Variants in RGS7 observed in about 807,000 individuals in gnomAD.
RGS7 encodes the protein regulator of G-protein signaling 7.
In RGS7, 27 loss-of-function variants were observed where a neutral mutation model predicts 81.1. The observed-to-expected ratio is 0.33, with a 90% CI of 0.25 to 0.46. The LOEUF is 0.46. Ranked by LOEUF, RGS7 falls within the 20% of genes least tolerant of loss-of-function variation. RGS7 has a pLI of 1.00. For synonymous variants in RGS7, 208 were observed against 207.7 expected (o/e 1.00, Z -0.01); for missense variants, 396 against 607.4 (o/e 0.65, Z 3.66).
In RGS7 at chr1:240,894,366, T is replaced by C. The variant is rs905922204; in HGVS notation, c.386-24247A>G. On this transcript the variant is annotated intron_variant, in intron 6 of 18. Coordinates refer to ENST00000440928, the MANE Select transcript of RGS7 (RefSeq NM_001364886.1). ...TCAGTTCTAAAAACTACCTCAACTATGATTTCAGTAAATACTGCTTGTTTC... is the reference window on the plus strand; with the variant it reads ...TCAGTTCTAAAAACTACCTCAACTACGATTTCAGTAAATACTGCTTGTTTC... 3.3e-5 allele frequency among the ~76,000 whole-genome samples: 5 copies of C among 152,182 alleles called. No homozygotes were observed. In the South Asian group the frequency reaches 8.3e-4, roughly 25 times the overall value.
chr1:240,935,094 T>G (rs1307710280), intron 5 of RGS7, among the ~76,000 whole-genome samples: 2 of 151,696 alleles, frequency 1.3e-5, no homozygotes, highest in Non-Finnish European at 2.9e-5. Context: ...AGATGAGGTT[T>G]CACCATGTTG....
chr1:241,174,655 A>G (rs1274361528), intron 2 of RGS7, among the ~76,000 whole-genome samples: 2 of 152,270 alleles, frequency 1.3e-5, no homozygotes, highest in East Asian at 3.9e-4. Flanking sequence ...CAGCTAGTGG[A>G]TCCAAAGCTA....
intron 13 of RGS7, among the ~76,000 whole-genome samples, chr1:240,813,360 C>T (rs1406693747): frequency 2.0e-5 from 3 of 152,144 alleles, no homozygotes; most frequent in African/African-American, 7.2e-5. Context: ...GCTGAAGATC[C>T]TAACTCTGAC....
intron 2 of RGS7, among the ~76,000 whole-genome samples, chr1:241,175,846 G>A (rs1271249117): frequency 6.6e-6 from 1 of 152,194 alleles, no homozygotes. Context: ...CATCAAGACG[G>A]AATGTATGGG....
At chr1:240,875,278 C>A (rs576748082) in intron 6 of RGS7, among the ~76,000 whole-genome samples, 1 of 152,132 alleles carries the variant, frequency 6.6e-6, no homozygotes, top group East Asian at 1.9e-4. Context: ...AGTGACATCA[C>A]GCAGTATTTG....
chr1:240,963,853 A>G (rs1217080010), intron 4 of RGS7, among the ~76,000 whole-genome samples: 1 of 152,186 alleles, frequency 6.6e-6, no homozygotes, highest in Non-Finnish European at 1.5e-5. Flanking sequence ...AAAGTGAAAT[A>G]TAAGAATGAA....
chr1:241,242,200 T>C (rs941586253), intron 2 of RGS7, among the ~76,000 whole-genome samples: 3 of 151,918 alleles, frequency 2.0e-5, no homozygotes, highest in Non-Finnish European at 2.9e-5. Context: ...GAACACACAA[T>C]GTTCGGCTTT....
intron 2 of RGS7, among the ~76,000 whole-genome samples, chr1:241,332,838 T>A (rs574288370): frequency 1.3e-5 from 2 of 152,196 alleles, no homozygotes; most frequent in Admixed American, 1.3e-4. Context: ...AGAAAAAAAA[T>A]TAGAATTCCA....
intron 2 of RGS7, among the ~76,000 whole-genome samples, chr1:241,192,290 G>T (rs1434076357): frequency 7.5e-6 from 1 of 134,180 alleles, no homozygotes; most frequent in Admixed American, 7.8e-5. Flanking sequence ...TGTGTGTTTG[G>T]TTTGCTTTGA....
At chr1:241,221,113 A>G (rs1285590207) in intron 2 of RGS7, among the ~76,000 whole-genome samples, 33 of 142,444 alleles carry the variant, frequency 2.3e-4, no homozygotes, top group Admixed American at 1.2e-3. Context: ...GGAAGGAAGG[A>G]AGGGAGGGAA....
chr1:241,088,168 G>T (rs867732422), intron 3 of RGS7, among the ~76,000 whole-genome samples: 1 of 151,382 alleles, frequency 6.6e-6, no homozygotes, highest in African/African-American at 2.4e-5. Context: ...TTTAGATGGA[G>T]GAAAAAACAG....
At chr1:240,975,122 G>A (rs187098311) in intron 4 of RGS7, among the ~76,000 whole-genome samples, 492 of 152,196 alleles carry the variant, frequency 3.2e-3, no homozygotes, top group African/African-American at 0.011. Flanking sequence ...ACAGAAATGC[G>A]GCCGGGTGCG....
At chr1:241,348,821 T>C (rs956763146) in intron 2 of RGS7, among the ~76,000 whole-genome samples, 15 of 152,310 alleles carry the variant, frequency 9.8e-5, no homozygotes, top group Non-Finnish European at 1.9e-4. Context: ...ATTTTAAGTA[T>C]CATAAAAATG....
At chr1:241,228,744 TA>T (rs895341104) in intron 2 of RGS7, among the ~76,000 whole-genome samples, 196 of 147,818 alleles carry the variant, frequency 1.3e-3, no homozygotes, top group African/African-American at 4.1e-3. Flanking sequence ...ACGGGGTAGT[TA>T]AAAAAAAAAA....
At chr1:240,958,884 C>A (rs1480960277) in intron 4 of RGS7, among the ~76,000 whole-genome samples, 1 of 152,296 alleles carries the variant, frequency 6.6e-6, no homozygotes, top group Non-Finnish European at 1.5e-5. Context: ...TGCCTGATAT[C>A]TTTTACTGTA....
At chr1:240,799,622 G>C (rs1687708960) in intron 18 of RGS7, among the ~76,000 whole-genome samples, 1 of 151,584 alleles carries the variant, frequency 6.6e-6, no homozygotes, top group South Asian at 2.1e-4. Flanking sequence ...AATTATCTTG[G>C]GCCACACATA....
At chr1:241,265,839 G>T (rs2077563853) in intron 2 of RGS7, among the ~76,000 whole-genome samples, 1 of 137,898 alleles carries the variant, frequency 7.3e-6, no homozygotes, top group Admixed American at 8.2e-5. Context: ...TTGTTGCCCA[G>T]GCTGGAATGC....
intron 18 of RGS7, among the ~76,000 whole-genome samples, chr1:240,793,605 A>ATTTTTT (rs869198789): frequency 6.1e-5 from 2 of 32,894 alleles, no homozygotes; most frequent in African/African-American, 2.3e-4. Flanking sequence ...ATATATATAT[A>ATTTTTT]TATATATTTT....
rs1384101307 is a variant in RGS7 at position 241,144,954 on chromosome 1, TG to T, written c.79-46193del. Among the ~76,000 whole-genome samples the T allele has an allele frequency of 6.6e-6, 1 of 151,344 alleles. No individual in the cohort carries two copies. The highest frequency in any genetic ancestry group is 1.5e-5 in the Non-Finnish European group (1 of 67,924). On this transcript the variant is annotated intron_variant, in intron 2 of 18. Transcript: ENST00000440928. The surrounding 1 kb of genome is among the most constrained non-coding windows in gnomAD (Gnocchi z 4.7). The stretch of plus-strand genomic sequence containing the variant: ...GTGTGTGTGTGTGTGTGTGTGTGTG[TG>T]TGTGTGTGTTCGTGTTCATTCTTCC...
Sources: allele counts gnomAD v4.1 joint callset (sites outside exome capture counted in the v4.1 genomes callset), GRCh38; gene constraint gnomAD v4.1.1; non-coding constraint Gnocchi (gnomAD v3.1); transcripts MANE v1.5; gene names NCBI Gene and HGNC (gene_info 2026-07-23, HGNC 2026-07-21).